PDE4D: variants seen among roughly 807,000 people sequenced by gnomAD.
PDE4D encodes phosphodiesterase 4D.
Under a neutral mutation model 87.4 loss-of-function variants are expected in PDE4D, and 24 were observed. The ratio of observed to expected loss-of-function variants is 0.27; its 90% CI spans 0.20 to 0.39. The LOEUF (loss-of-function observed/expected upper bound fraction) is 0.39. Among genes scored for constraint, PDE4D ranks in the 10% least tolerant of loss-of-function variants. The pLI is 1.00. For synonymous variants in PDE4D, 384 were observed against 383.2 expected (o/e 1.00, Z -0.02); for missense variants, 714 against 1,041.0 (o/e 0.69, Z 4.32).
At chr5:60,520,337 C>A (rs1750981429) in intron 1 of PDE4D, among the ~76,000 whole-genome samples, 1 of 152,146 alleles carries the variant, frequency 6.6e-6, no homozygotes, top group East Asian at 1.9e-4. Flanking sequence ...GACTACTAAC[C>A]CCACACCTGG....
At chr5:60,282,296 G>T in intron 1 of PDE4D, among the ~76,000 whole-genome samples, 1 of 147,688 alleles carries the variant, frequency 6.8e-6, no homozygotes. Context: ...AGGATTATAC[G>T]GTAAAAAAAA....
chr5:60,044,611 G>A lies in PDE4D; in HGVS notation c.43-55894C>T, dbSNP rs535459822. ...TTCCCACCTATGAGTGAGAATATGC[G>A]GTGTTTGGTTTTTTGTTCTTGCGAT... On this transcript the variant is annotated intron_variant, in intron 2 of 16. Coordinates refer to the PDE4D transcript ENST00000502484. Among the ~76,000 whole-genome samples, 892 of 151,730 alleles carry A rather than the reference G, an allele frequency of 5.9e-3. 3 individuals carry two copies. The highest frequency in any genetic ancestry group is 8.7e-3 in the Non-Finnish European group (593 of 67,942).
intron 1 of PDE4D, among the ~76,000 whole-genome samples, chr5:59,455,814 C>T (rs186882335): frequency 3.2e-4 from 48 of 152,312 alleles, no homozygotes; most frequent in African/African-American, 1.0e-3. Flanking sequence ...TTAACATGAC[C>T]CAAATGTGAG....
intron 1 of PDE4D, among the ~76,000 whole-genome samples, chr5:60,263,546 C>T (rs1354966663): frequency 2.0e-5 from 3 of 152,196 alleles, no homozygotes; most frequent in Admixed American, 2.0e-4. Context: ...AGTTTAGCAA[C>T]ATCTGGGAAG....
chr5:59,295,823 G>C (rs932637670), intron 1 of PDE4D, among the ~76,000 whole-genome samples: 3 of 150,216 alleles, frequency 2.0e-5, no homozygotes, highest in African/African-American at 7.4e-5. Flanking sequence ...AGGGAGTGAA[G>C]TAGGCTAAGT....
rs566175138 is a variant in PDE4D, at chr5:59,454,829, A to G, written c.456-238861T>C. Among the ~76,000 whole-genome samples the G allele has an allele frequency of 2.6e-5, 4 of 152,288 alleles. No individual in the cohort carries two copies. In the South Asian group the frequency reaches 8.3e-4, roughly 32 times the overall value. ...AGGTGGTCTCAGATGGAGATGAGGA[A>G]CTTTTTGGGAACTGGAGCAAAAGTG... On this transcript the variant is annotated intron_variant, in intron 1 of 14. Transcript: ENST00000340635.
chr5:58,988,620 T>C, intron 10 of PDE4D, 28 bp from the exon 11 acceptor site: 1 of 1,003,762 alleles, frequency 1.0e-6, no homozygotes, highest in East Asian at 2.7e-5. Flanking sequence ...ATAGATAATA[T>C]TACTATTCTA....
intron 1 of PDE4D, among the ~76,000 whole-genome samples, chr5:59,427,292 TACACACAC>T (rs60646746): frequency 0.012 from 1,534 of 132,332 alleles, 19 homozygotes; most frequent in African/African-American, 0.031. Flanking sequence ...AGTGATTTTA[TACACACAC>T]ACACACACAC....
At chr5:60,343,370 A>G (rs1050638921) in intron 1 of PDE4D, among the ~76,000 whole-genome samples, 3 of 152,180 alleles carry the variant, frequency 2.0e-5, no homozygotes, top group Admixed American at 1.3e-4. Context: ...GTAATTAGAA[A>G]CAATCTCATA....
chr5:59,117,767 C>T (rs1304215073), intron 5 of PDE4D, among the ~76,000 whole-genome samples: 2 of 151,144 alleles, frequency 1.3e-5, no homozygotes, highest in Non-Finnish European at 2.9e-5. Flanking sequence ...GGAGTATTTG[C>T]ACCATGGCCA....
rs1742601010 is a variant in PDE4D, at chr5:58,971,565, A to G, written c.*3099T>C. On this transcript the variant is annotated 3_prime_UTR_variant, in exon 15 of 15. Transcript: ENST00000340635. Reference sequence around the variant, plus strand: ...GCACAAAAAATAAATAATGCATTCAAAAATTATCATAAAGCTTTCTGTAAA... The same window carrying G: ...GCACAAAAAATAAATAATGCATTCAGAAATTATCATAAAGCTTTCTGTAAA... 1 of 152,624 alleles carries G rather than the reference A, an allele frequency of 6.6e-6. No individual in the cohort carries two copies. The allele number at this position is 152,624 out of a possible 1,614,324, so 9.5% of individuals were successfully genotyped here.
At chr5:59,254,154 C>T (rs984046123) in intron 1 of PDE4D, among the ~76,000 whole-genome samples, 14 of 152,030 alleles carry the variant, frequency 9.2e-5, no homozygotes, top group African/African-American at 3.4e-4. Context: ...ACTCCCTCTT[C>T]CAGTCACCAA....
At chr5:59,242,469 A>G (rs958940935) in intron 1 of PDE4D, among the ~76,000 whole-genome samples, 2 of 152,168 alleles carry the variant, frequency 1.3e-5, no homozygotes, top group Non-Finnish European at 2.9e-5. Flanking sequence ...ACTGGGGTGC[A>G]TGGGTGGGAA....
At chr5:59,126,835 A>G (rs1775474437) in intron 5 of PDE4D, among the ~76,000 whole-genome samples, 1 of 152,242 alleles carries the variant, frequency 6.6e-6, no homozygotes. Flanking sequence ...ATGCCGTAAA[A>G]TAAAGCGTGT....
chr5:59,955,643 A>G (rs1277222303), intron 3 of PDE4D, among the ~76,000 whole-genome samples: 1 of 152,146 alleles, frequency 6.6e-6, no homozygotes, highest in Admixed American at 6.5e-5. Context: ...AATCATTTTA[A>G]CCATGGCAAG....
chr5:59,604,418 G>A (rs1458404713), intron 1 of PDE4D, among the ~76,000 whole-genome samples: 1 of 151,966 alleles, frequency 6.6e-6, no homozygotes, highest in Non-Finnish European at 1.5e-5. Context: ...GTTAAATTAG[G>A]GAAGCAAGAA....
At chr5:59,418,093 C>A (rs1793911936) in intron 1 of PDE4D, among the ~76,000 whole-genome samples, 1 of 152,106 alleles carries the variant, frequency 6.6e-6, no homozygotes, top group African/African-American at 2.4e-5. Context: ...CTATAAGTCC[C>A]CTCATTAGTC....
chr5:59,274,291 A>T (rs1291814851), intron 1 of PDE4D, among the ~76,000 whole-genome samples: 1 of 152,170 alleles, frequency 6.6e-6, no homozygotes, highest in Non-Finnish European at 1.5e-5. Context: ...TCACAGAAAT[A>T]CTGCGGATGG....
rs568669623 is a variant in PDE4D at position 59,858,279 on chromosome 5, T to A, written c.455+34889A>T. On this transcript the variant is annotated intron_variant, in intron 1 of 14. Coordinates refer to ENST00000340635, the MANE Select transcript of PDE4D (RefSeq NM_001104631.2). ...CTCATAGTTCAAGTCTCAACTATGG[T>A]GATTATTTGGAGCAAAGGGACTGGA... Among the ~76,000 whole-genome samples the A allele has an allele frequency of 1.8e-4, 28 of 151,986 alleles. 1 individual carries two copies. The highest frequency in any genetic ancestry group is 1.6e-3 in the Admixed American group (25 of 15,248).
Sources: allele counts gnomAD v4.1 joint callset (sites outside exome capture counted in the v4.1 genomes callset), GRCh38; gene constraint gnomAD v4.1.1; transcripts MANE v1.5; gene names NCBI Gene and HGNC (gene_info 2026-07-23, HGNC 2026-07-21).